LTBP1: variants seen among roughly 807,000 people sequenced by gnomAD.
LTBP1 encodes the protein latent transforming growth factor beta binding protein 1, also known as latent-transforming growth factor beta-binding protein 1.
LTBP1 carries 129 observed loss-of-function variants against 207.6 expected under a neutral mutation model. That is an observed-to-expected ratio of 0.62 (90% confidence interval 0.54 to 0.72). The LOEUF (loss-of-function observed/expected upper bound fraction) is 0.72. Among genes scored for constraint, LTBP1 ranks in the 30% least tolerant of loss-of-function variants. LTBP1 has a pLI of 0.00. For synonymous variants in LTBP1, 963 were observed against 833.7 expected (o/e 1.16, Z -2.67); for missense variants, 2,281 against 2,217.2 (o/e 1.03, Z -0.58).
chr2:33,307,784 G>A (rs1299920359), intron 22 of LTBP1, among the ~76,000 whole-genome samples: 3 of 152,222 alleles, frequency 2.0e-5, no homozygotes, highest in Non-Finnish European at 2.9e-5. Flanking sequence ...GTACCCGGAA[G>A]CATTTTAATT....
At chr2:33,018,822 C>CA (rs1688752418) in intron 2 of LTBP1, among the ~76,000 whole-genome samples, 1 of 152,048 alleles carries the variant, frequency 6.6e-6, no homozygotes, top group South Asian at 2.1e-4. Context: ...GTGCAGAGGC[C>CA]AGGGTTAAGT....
chr2:32,982,877 C>T (rs1225171701), intron 2 of LTBP1, among the ~76,000 whole-genome samples: 1 of 152,198 alleles, frequency 6.6e-6, no homozygotes, highest in Non-Finnish European at 1.5e-5. Flanking sequence ...AGGGGCAGGG[C>T]CCTCATGGAG....
chr2:33,207,231 A>C (rs908429206), intron 7 of LTBP1, among the ~76,000 whole-genome samples: 1 of 152,154 alleles, frequency 6.6e-6, no homozygotes, highest in African/African-American at 2.4e-5. Context: ...TTTAAAAACC[A>C]TTTTTGCCTT....
intron 3 of LTBP1, among the ~76,000 whole-genome samples, chr2:33,038,522 C>T (rs565399933): frequency 1.3e-5 from 2 of 152,324 alleles, no homozygotes; most frequent in South Asian, 4.1e-4. Context: ...CGTTCCTGGC[C>T]TGTGAAGATT....
chr2:33,307,327 T>C (rs533244837), intron 22 of LTBP1, among the ~76,000 whole-genome samples: 1 of 152,218 alleles, frequency 6.6e-6, no homozygotes, highest in Admixed American at 6.5e-5. Flanking sequence ...CAAAGACTTA[T>C]GATTTTAGAA....
At chr2:33,065,581 A>G (rs1180461704) in intron 3 of LTBP1, among the ~76,000 whole-genome samples, 2 of 151,644 alleles carry the variant, frequency 1.3e-5, no homozygotes, top group Admixed American at 6.6e-5. Flanking sequence ...AAAAAATCCC[A>G]CTTTGTCAGG....
chr2:33,063,347 G>C (rs1010644), intron 3 of LTBP1, among the ~76,000 whole-genome samples: 30,997 of 152,066 alleles, frequency 0.2, 3,256 homozygotes, highest in Middle Eastern at 0.23. Context: ...CAGGAGTACA[G>C]TGGAGTTTTC....
intron 15 of LTBP1, among the ~76,000 whole-genome samples, chr2:33,268,379 C>T (rs968494684): frequency 2.0e-5 from 3 of 152,090 alleles, no homozygotes; most frequent in Non-Finnish European, 2.9e-5. Flanking sequence ...TAGAACAATA[C>T]GTAAGAGTCT....
At chr2:33,339,053 A>AG (rs138991217) in intron 24 of LTBP1, among the ~76,000 whole-genome samples, 18,680 of 151,972 alleles carry the variant, frequency 0.12, 1,479 homozygotes, top group East Asian at 0.21. Flanking sequence ...AGAGGGAGGG[A>AG]GGCAAGACTG....
chr2:33,375,314 C>A (rs1343624174), intron 31 of LTBP1, among the ~76,000 whole-genome samples: 1 of 152,134 alleles, frequency 6.6e-6, no homozygotes, highest in Non-Finnish European at 1.5e-5. Context: ...TGCACTGCTC[C>A]CTGGTTATCC....
chr2:33,213,029 C>T (rs554510203), intron 7 of LTBP1, among the ~76,000 whole-genome samples: 39 of 152,116 alleles, frequency 2.6e-4, no homozygotes, highest in Non-Finnish European at 4.6e-4. Flanking sequence ...GTAGTCTCAC[C>T]GTTCCGCCTT....
At chr2:33,293,085 C>G (rs2093806680) in intron 19 of LTBP1, 75 bp from the exon 20 acceptor site, 3 of 1,486,080 alleles carry the variant, frequency 2.0e-6, no homozygotes, top group Non-Finnish European at 2.7e-6. Context: ...GTTTCCATTT[C>G]TAACCAAATT....
intron 16 of LTBP1, among the ~76,000 whole-genome samples, chr2:33,274,325 A>G (rs1175389166): frequency 1.4e-5 from 2 of 143,792 alleles, no homozygotes; most frequent in African/African-American, 2.6e-5. Context: ...ATGTGACTCT[A>G]AATTTAATTT....
chr2:33,374,767 T>A (rs1274160992), intron 31 of LTBP1, among the ~76,000 whole-genome samples: 1 of 152,054 alleles, frequency 6.6e-6, no homozygotes, highest in East Asian at 1.9e-4. Flanking sequence ...GCCTGGCCAA[T>A]ATGGTGAAAC....
chr2:33,326,771 G>C (rs546738887), intron 24 of LTBP1, among the ~76,000 whole-genome samples: 1 of 152,060 alleles, frequency 6.6e-6, no homozygotes, highest in African/African-American at 2.4e-5. Flanking sequence ...CGATTCTCCT[G>C]CCTCAGCCTC....
At chr2:33,294,982 A>G (rs189405355) in intron 20 of LTBP1, among the ~76,000 whole-genome samples, 10 of 152,046 alleles carry the variant, frequency 6.6e-5, no homozygotes, top group African/African-American at 2.4e-4. Flanking sequence ...TTTGATACAT[A>G]TATTGTATCA....
chr2:33,184,781 GTT>G (rs34063170), intron 5 of LTBP1, among the ~76,000 whole-genome samples: 2,564 of 136,358 alleles, frequency 0.019, 64 homozygotes, highest in African/African-American at 0.056. Context: ...AGTATTTTCT[GTT>G]TTTTTTTTTT....
rs2094647648 is a variant in LTBP1, at chr2:33,342,941, A to G, written c.3834A>G (p.Pro1278=). 6.2e-7 allele frequency: 1 copy of G among 1,613,964 alleles called. No individual in the cohort carries two copies. Among genetic ancestry groups the G allele is most frequent in the East Asian group, 2.2e-5 (1 of 44,892 alleles). Residue 1278 remains proline (P), a synonymous_variant, in exon 25 of 34, where the codon CCA becomes CCG. Transcript: ENST00000404816. The part of the protein sequence containing the change: ...RCLCYQGFQA[P]QDGQGCVDVN... ...TCTGTTATCAGGGCTTTCAAGCCCC[A>G]CAGGATGGGCAAGGGTGTGTGGGTG...
At chr2:33,202,816 G>A (rs1349968126) in intron 7 of LTBP1, among the ~76,000 whole-genome samples, 1 of 152,196 alleles carries the variant, frequency 6.6e-6, no homozygotes, top group African/African-American at 2.4e-5. Context: ...CAGTGCAGTG[G>A]CCTGCCTTCT....
Sources: allele counts gnomAD v4.1 joint callset (sites outside exome capture counted in the v4.1 genomes callset), GRCh38; gene constraint gnomAD v4.1.1; transcripts MANE v1.5; gene names NCBI Gene and HGNC (gene_info 2026-07-23, HGNC 2026-07-21).